The following TFDP2 variants were observed in gnomAD, a reference collection of about 807,000 sequenced individuals.
The protein encoded by TFDP2 is transcription factor Dp-2, also known as transcription factor Dp-2 (E2F dimerization partner 2).
A neutral mutation model predicts 59.3 loss-of-function variants in TFDP2; 17 were observed. That is an observed-to-expected ratio of 0.29 (90% CI 0.20 to 0.43). The LOEUF is 0.43. Among genes scored for constraint, TFDP2 ranks in the 20% least tolerant of loss-of-function variants. TFDP2 has a pLI of 1.00. For missense variants in TFDP2, 391 were observed against 528.8 expected (o/e 0.74, Z 2.56); for synonymous variants, 180 against 194.7 (o/e 0.92, Z 0.63).
intron 1 of TFDP2, among the ~76,000 whole-genome samples, chr3:142,113,892 G>A (rs1223605286): frequency 1.3e-5 from 2 of 151,998 alleles, no homozygotes; most frequent in South Asian, 2.1e-4. Flanking sequence ...GGGCCGGGCG[G>A]GGTGGCTCAC....
At chr3:142,128,061 T>TGTAGCGGC (rs1313378881) in intron 1 of TFDP2, among the ~76,000 whole-genome samples, 1 of 151,868 alleles carries the variant, frequency 6.6e-6, no homozygotes, top group Non-Finnish European at 1.5e-5. Context: ...AAAGGCAGAG[T>TGTAGCGGC]GTAGCGGCAC....
intron 3 of TFDP2, among the ~76,000 whole-genome samples, chr3:142,066,590 T>C (rs2060080953): frequency 2.0e-5 from 3 of 152,218 alleles, no homozygotes. Context: ...TGGTTTCTAC[T>C]GAATGTGTGT....
chr3:142,071,400 C>T (rs919607621), intron 3 of TFDP2, among the ~76,000 whole-genome samples: 3 of 152,110 alleles, frequency 2.0e-5, no homozygotes, highest in Admixed American at 2.0e-4. Context: ...TCAACTGATC[C>T]AACTGCATTG....
chr3:141,978,474 G>A, intron 7 of TFDP2, 46 bp downstream of exon 7: 1 of 1,563,228 alleles, frequency 6.4e-7, no homozygotes, highest in Non-Finnish European at 8.7e-7. Flanking sequence ...ACACAAAGAA[G>A]TAGCATCATC....
intron 3 of TFDP2, among the ~76,000 whole-genome samples, 180 bp downstream of exon 3, chr3:142,092,880 CA>C (rs1343270136): frequency 6.6e-6 from 1 of 152,110 alleles, no homozygotes; most frequent in African/African-American, 2.4e-5. Flanking sequence ...AAATCACACA[CA>C]AAAATCCTCC....
chr3:142,014,343 T>C (rs558637314), intron 3 of TFDP2, among the ~76,000 whole-genome samples: 8 of 149,930 alleles, frequency 5.3e-5, no homozygotes, highest in African/African-American at 2.0e-4. Flanking sequence ...AGGGAGGGGG[T>C]CTCAGTATAT....
At chr3:142,033,128 G>A (rs1024226774) in intron 3 of TFDP2, among the ~76,000 whole-genome samples, 1 of 152,192 alleles carries the variant, frequency 6.6e-6, no homozygotes, top group African/African-American at 2.4e-5. Flanking sequence ...CCAGGAGGCA[G>A]AGGTTGCAGT....
intron 7 of TFDP2, among the ~76,000 whole-genome samples, chr3:141,975,627 G>C (rs1940519323): frequency 6.6e-6 from 1 of 150,608 alleles, no homozygotes. Context: ...CCGGGAGATG[G>C]AGGTTGCAGT....
rs148797038 is a variant in TFDP2, at chr3:142,053,795, A to C, written c.82+39266T>G. ...GACTTGTAACATGAATAAGACAATA[A>C]CAAGACAAACAACTCAATAAAAAAT... On this transcript the variant is annotated intron_variant, in intron 3 of 12. Transcript: ENST00000489671. Among the ~76,000 whole-genome samples the C allele has an allele frequency of 3.7e-3, 557 of 152,286 alleles. 2 individuals are homozygous for C. The highest frequency in any genetic ancestry group is 0.013 in the African/African-American group (531 of 41,582).
In TFDP2 at chr3:142,015,073, C is replaced by G. The variant is rs113113334; in HGVS notation, c.83-9529G>C. On this transcript the variant is annotated intron_variant, in intron 3 of 12. Transcript: ENST00000489671. ...ACCTTCTTTAGAAACACTAACTCCA[C>G]TTGATATCCAAGCCACCATTTTCTC... 3.3e-4 allele frequency among the ~76,000 whole-genome samples: 50 copies of G among 152,330 alleles called. No individual in the cohort carries two copies. The South Asian group carries it at 6.8e-3, about 21-fold the overall frequency.
At position 142,001,990 on chromosome 3, in the gene TFDP2, GTT is replaced by G. The variant is rs140582209; in HGVS notation, c.186+3449_186+3450del. Among the ~76,000 whole-genome samples, 96 of 116,786 alleles carry G rather than the reference GTT, an allele frequency of 8.2e-4. 1 individual carries two copies. Among genetic ancestry groups the G allele is most frequent in the African/African-American group, 2.6e-3 (88 of 33,750 alleles). 76.6% of individuals were successfully genotyped at this position (116,786 alleles called of 152,430 possible). On this transcript the variant is annotated intron_variant, in intron 4 of 12. Transcript: ENST00000489671. The stretch of plus-strand genomic sequence containing the variant: ...GAGTGGCTAGGTGCCACCATGCCTG[GTT>G]TTTTTTTTTTTTTTTTGTCTGAGAC...
chr3:142,028,661 G>T, intron 3 of TFDP2: 1 of 985,370 alleles, frequency 1.0e-6, no homozygotes, highest in Non-Finnish European at 1.2e-6. Context: ...ACTTGAGACT[G>T]TGTCAGACGT....
intron 3 of TFDP2, among the ~76,000 whole-genome samples, chr3:142,043,098 G>A (rs1331839101): frequency 6.6e-6 from 1 of 150,434 alleles, no homozygotes; most frequent in Admixed American, 6.7e-5. Flanking sequence ...CCAGGCTGGA[G>A]TGCAGTGGCA....
chr3:142,129,114 AC>A (rs1205781749), intron 1 of TFDP2, among the ~76,000 whole-genome samples: 1 of 152,074 alleles, frequency 6.6e-6, no homozygotes, highest in Non-Finnish European at 1.5e-5. Context: ...GGCCTCAGAA[AC>A]CTTGTCTGCA....
Position 142,136,213 on chromosome 3 carries a change from A to G in TFDP2, c.-93+12970T>C, listed in dbSNP as rs146434488. Among the ~76,000 whole-genome samples the G allele has an allele frequency of 2.3e-3, 347 of 152,058 alleles. 4 individuals carry two copies. The highest frequency in any genetic ancestry group is 7.8e-3 in the African/African-American group (324 of 41,516). On this transcript the variant is annotated intron_variant, in intron 1 of 12. Coordinates refer to ENST00000489671, the MANE Select transcript of TFDP2 (RefSeq NM_001178139.2). ...GCATAGATGTCTTCTTTTGAGAAGT[A>G]TCTGTTCATATCCTTTGCCCACTTT...
chr3:142,060,288 G>A (rs570331312), intron 3 of TFDP2, among the ~76,000 whole-genome samples: 4 of 152,274 alleles, frequency 2.6e-5, no homozygotes, highest in East Asian at 3.9e-4. Flanking sequence ...GATTATAGGC[G>A]TGAGCCACTG....
At chr3:142,092,920 A>G (rs2061045171) in intron 3 of TFDP2, 141 bp downstream of exon 3, 1 of 553,650 alleles carries the variant, frequency 1.8e-6, no homozygotes, top group East Asian at 3.2e-5. Flanking sequence ...ACTTTCATAC[A>G]GCACAAGTTA....
At chr3:142,100,614 C>G (rs1364886246) in intron 2 of TFDP2, among the ~76,000 whole-genome samples, 1 of 152,162 alleles carries the variant, frequency 6.6e-6, no homozygotes, top group Non-Finnish European at 1.5e-5. Context: ...CTCAGGTGAT[C>G]TGCCCACCTT....
intron 6 of TFDP2, among the ~76,000 whole-genome samples, chr3:141,980,992 A>G (rs1941428624): frequency 6.6e-6 from 1 of 152,240 alleles, no homozygotes; most frequent in Non-Finnish European, 1.5e-5. Flanking sequence ...TAGCCTAAGT[A>G]TACAGTGATT....
Sources: gnomAD v4.1 joint callset for allele counts (sites outside exome capture counted in the v4.1 genomes callset) on GRCh38, gnomAD v4.1.1 for gene constraint, MANE v1.5 for transcripts, NCBI Gene and HGNC (gene_info 2026-07-23, HGNC 2026-07-21) for gene names.